TLL1: variants seen among roughly 807,000 people sequenced by gnomAD.
TLL1 encodes the protein tolloid-like protein 1.
Under a neutral mutation model 128.2 loss-of-function variants are expected in TLL1, and 49 were observed. The ratio of observed to expected loss-of-function variants is 0.38; its 90% CI spans 0.30 to 0.48. The LOEUF (loss-of-function observed/expected upper bound fraction) is 0.48, where lower values mean the gene tolerates loss of function less well. Ranked by LOEUF, TLL1 falls within the 20% of genes least tolerant of loss-of-function variation. TLL1 has a pLI of 0.96. For synonymous variants in TLL1, 454 were observed against 418.8 expected, an observed-to-expected ratio of 1.08 and a Z score of -1.03; for missense variants, 1,123 against 1,242.0, an observed-to-expected ratio of 0.90 and a Z score of 1.44.
intron 1 of TLL1, among the ~76,000 whole-genome samples, chr4:165,961,310 G>A (rs1224948824): frequency 1.3e-5 from 2 of 152,098 alleles, no homozygotes; most frequent in South Asian, 2.1e-4. Context: ...ACAGTTGAAA[G>A]AAATCAGACA....
chr4:165,963,199 A>G (rs1272499935), intron 1 of TLL1, among the ~76,000 whole-genome samples: 1 of 152,070 alleles, frequency 6.6e-6, no homozygotes, highest in Non-Finnish European at 1.5e-5. Context: ...CAAGGAATAG[A>G]AAACTATCTA....
At chr4:166,000,432 G>T (rs955125723) in intron 5 of TLL1, among the ~76,000 whole-genome samples, 4 of 152,118 alleles carry the variant, frequency 2.6e-5, no homozygotes, top group Non-Finnish European at 5.9e-5. Context: ...GAATAAGGCA[G>T]TGTGAAATCT....
chr4:165,873,894 G>A lies in TLL1; in HGVS notation c.-11G>A, dbSNP rs373269428. 6 of 1,613,384 alleles carry A rather than the reference G, an allele frequency of 3.7e-6. No individual in the cohort carries two copies. The highest frequency in any genetic ancestry group is 1.1e-5 in the South Asian group (1 of 91,036). On this transcript the variant is annotated 5_prime_UTR_variant, in exon 1 of 21. Transcript: ENST00000061240. The stretch of plus-strand genomic sequence containing the variant: ...GGGTCCCGTCCCCTCCTTTTCCTCC[G>A]GGGGAGGAGGATGGGGTTGGGAACG...
At chr4:166,034,081 A>G (rs1033531185) in intron 9 of TLL1, among the ~76,000 whole-genome samples, 1 of 152,180 alleles carries the variant, frequency 6.6e-6, no homozygotes, top group Admixed American at 6.6e-5. Context: ...AAATTATTCT[A>G]TTAAAATAGA....
At chr4:166,062,014 G>T (rs1299289177) in intron 15 of TLL1, among the ~76,000 whole-genome samples, 1 of 152,096 alleles carries the variant, frequency 6.6e-6, no homozygotes, top group Non-Finnish European at 1.5e-5. Context: ...GTTTGTCAAA[G>T]ATCAGATGGT....
At chr4:166,097,793 G>A (rs1742091960) in intron 19 of TLL1, among the ~76,000 whole-genome samples, 1 of 152,022 alleles carries the variant, frequency 6.6e-6, no homozygotes, top group South Asian at 2.1e-4. Flanking sequence ...CTATCCAGTG[G>A]TTTTGCTTCT....
intron 1 of TLL1, among the ~76,000 whole-genome samples, chr4:165,918,638 T>C (rs1217629669): frequency 6.6e-6 from 1 of 152,124 alleles, no homozygotes; most frequent in Non-Finnish European, 1.5e-5. Context: ...CATAGAGCTA[T>C]TTATCTTTAG....
At chr4:166,077,656 C>A (rs1485844740) in intron 17 of TLL1, among the ~76,000 whole-genome samples, 3 of 152,108 alleles carry the variant, frequency 2.0e-5, no homozygotes, top group Middle Eastern at 6.3e-3. Flanking sequence ...AGTTCATTTT[C>A]TTTTAGGCAT....
In TLL1 at chr4:166,035,028, G is replaced by A. The variant is rs147248399; in HGVS notation, c.1159-4311G>A. 1.9e-3 allele frequency among the ~76,000 whole-genome samples: 286 copies of A among 152,210 alleles called. 1 individual carries two copies. The highest frequency in any genetic ancestry group is 6.2e-3 in the African/African-American group (256 of 41,540). The stretch of plus-strand genomic sequence containing the variant: ...TCATTTCTAAGGGCAGAGCCCTCCC[G>A]GCTTAATCAGCTTCCAGTGGTCACT... On this transcript the variant is annotated intron_variant, in intron 9 of 20. Transcript: ENST00000061240.
chr4:165,950,002 A>G (rs1253552297), intron 1 of TLL1, among the ~76,000 whole-genome samples: 1 of 152,168 alleles, frequency 6.6e-6, no homozygotes, highest in Non-Finnish European at 1.5e-5. Flanking sequence ...GATATAAAAG[A>G]AAGGCCCAAT....
Position 166,077,794 on chromosome 4 carries a change from G to C in TLL1, c.2315-109G>C, listed in dbSNP as rs113640838. On this transcript the variant is annotated intron_variant, in intron 17 of 20. Coordinates refer to ENST00000061240, the MANE Select transcript of TLL1 (RefSeq NM_012464.5). ...CCGACACGGGAGTGAAAATTAGCTG[G>C]TATTCAGGAAAATCTTTCAACAGGG... The C allele has an allele frequency of 1.0e-3, 1,473 of 1,471,436 alleles. 12 individuals carry two copies. In the African/African-American group the frequency reaches 0.017, roughly 17 times the overall value. The allele number at this position is 1,471,436 out of a possible 1,614,324, so 91.1% of individuals were successfully genotyped here. A position where few individuals can be genotyped will look rare whatever the true frequency, so the allele number is the denominator to read the frequency against.
At chr4:166,056,505 C>A (rs1472745857) in intron 13 of TLL1, among the ~76,000 whole-genome samples, 1 of 151,684 alleles carries the variant, frequency 6.6e-6, no homozygotes, top group Non-Finnish European at 1.5e-5. Context: ...ATATAAGAAA[C>A]ACAATGTTTT....
chr4:165,896,394 C>T (rs1561012636), intron 1 of TLL1, among the ~76,000 whole-genome samples: 2 of 151,486 alleles, frequency 1.3e-5, no homozygotes, highest in South Asian at 2.1e-4. Flanking sequence ...AATAAACATA[C>T]GTGTGCATGT....
In TLL1 at chr4:165,954,173, A is replaced by C. The variant is rs181334164; in HGVS notation, c.170-35208A>C. Among the ~76,000 whole-genome samples the C allele has an allele frequency of 7.4e-4, 113 of 152,284 alleles. 1 individual carries two copies. In the Middle Eastern group the frequency reaches 0.014, roughly 18 times the overall value. ...TCAGAATATTGCCAACGGCTATACA[A>C]CATTACCCAATAATAAGAAGAGAAA... is the stretch of plus-strand genomic sequence containing the variant. On this transcript the variant is annotated intron_variant, in intron 1 of 20. Coordinates refer to ENST00000061240, the MANE Select transcript of TLL1 (RefSeq NM_012464.5).
intron 12 of TLL1, among the ~76,000 whole-genome samples, chr4:166,054,678 A>G (rs10010337): frequency 0.041 from 6,146 of 150,828 alleles, 401 homozygotes; most frequent in African/African-American, 0.14. Flanking sequence ...TTTTATAACT[A>G]TGATTCAGAA....
intron 9 of TLL1, among the ~76,000 whole-genome samples, chr4:166,034,463 A>G (rs1475676338): frequency 1.3e-5 from 2 of 148,848 alleles, no homozygotes; most frequent in African/African-American, 4.9e-5. Flanking sequence ...ATGAGGCAGC[A>G]AAATTGGGTT....
intron 1 of TLL1, among the ~76,000 whole-genome samples, chr4:165,952,532 TTAA>T (rs1269551143): frequency 1.3e-5 from 2 of 152,140 alleles, no homozygotes; most frequent in Non-Finnish European, 2.9e-5. Context: ...GACCCCTCAC[TTAA>T]TAATTTCCCT....
intron 9 of TLL1, among the ~76,000 whole-genome samples, chr4:166,027,098 G>A (rs1188592118): frequency 6.6e-6 from 1 of 152,108 alleles, no homozygotes; most frequent in Non-Finnish European, 1.5e-5. Context: ...CAACATAGAT[G>A]GAGCTAAAAG....
chr4:166,044,864 G>T (rs923244946), intron 12 of TLL1, among the ~76,000 whole-genome samples: 4 of 152,200 alleles, frequency 2.6e-5, no homozygotes, highest in Non-Finnish European at 5.9e-5. Context: ...TTATAGACAT[G>T]ATGTCAGAAA....
Sources: gnomAD v4.1 joint callset for allele counts (sites outside exome capture counted in the v4.1 genomes callset) on GRCh38, gnomAD v4.1.1 for gene constraint, MANE v1.5 for transcripts, NCBI Gene and HGNC (gene_info 2026-07-23, HGNC 2026-07-21) for gene names.